Variants in PLA2G5 observed in about 807,000 individuals in gnomAD.
PLA2G5 encodes phospholipase A2 group V, also known as Ca2+-dependent phospholipase A2.
In PLA2G5, 12 loss-of-function variants were observed where a neutral mutation model predicts 15.9. The observed-to-expected ratio is 0.76, with a 90% CI of 0.48 to 1.23. PLA2G5 has a LOEUF of 1.23. Among genes scored for constraint, PLA2G5 ranks in the 50% most tolerant of loss-of-function variants. The probability of loss-of-function intolerance (pLI) is 0.00; values close to 1 mark genes in which losing one functional copy is unlikely to be tolerated. For missense variants in PLA2G5, 169 were observed against 177.1 expected, an observed-to-expected ratio of 0.95 and a Z score of 0.26; for synonymous variants, 71 against 71.4, an observed-to-expected ratio of 0.99 and a Z score of 0.03.
chr1:20,090,460 C>T, intron 4 of PLA2G5, 108 bp from the exon 5 acceptor site: 1 of 1,104,188 alleles, frequency 9.1e-7, no homozygotes, highest in South Asian at 1.3e-5. Context: ...GGAGCCATGC[C>T]TCTTCCATCA....
At chr1:20,042,119 A>G (rs2013632486) in intron 1 of PLA2G5, among the ~76,000 whole-genome samples, 2 of 152,204 alleles carry the variant, frequency 1.3e-5, no homozygotes, top group Admixed American at 1.3e-4. Flanking sequence ...ATTGACGTGT[A>G]GTCCTTTTGC....
At chr1:20,079,279 C>T (rs2015874759) in intron 1 of PLA2G5, among the ~76,000 whole-genome samples, 1 of 152,142 alleles carries the variant, frequency 6.6e-6, no homozygotes, top group Non-Finnish European at 1.5e-5. Flanking sequence ...ATTAGCATTA[C>T]TCTGCCTTTG....
At chr1:20,029,558 A>G (rs1430609411) in intron 1 of PLA2G5, among the ~76,000 whole-genome samples, 1 of 152,092 alleles carries the variant, frequency 6.6e-6, no homozygotes, top group African/African-American at 2.4e-5. Context: ...GTCTTGGGAA[A>G]TGCAACATTT....
intron 1 of PLA2G5, among the ~76,000 whole-genome samples, chr1:20,051,011 G>A (rs555828243): frequency 2.8e-4 from 43 of 152,164 alleles, no homozygotes; most frequent in Non-Finnish European, 1.6e-4. Flanking sequence ...TATGTGTTCC[G>A]AAATCATGGG....
chr1:20,062,669 G>A (rs1360645547), intron 2 of PLA2G5, among the ~76,000 whole-genome samples: 3 of 152,096 alleles, frequency 2.0e-5, no homozygotes, highest in Non-Finnish European at 4.4e-5. Context: ...AAATTCAGAG[G>A]GGACAGGGGA....
chr1:20,054,963 T>C (rs902048768), intron 1 of PLA2G5: 1 of 152,182 alleles, frequency 6.6e-6, no homozygotes, highest in Non-Finnish European at 1.5e-5. Flanking sequence ...CAACAGAATG[T>C]TTTATTAGAC....
At chr1:20,053,721 C>T (rs1186187549) in intron 1 of PLA2G5, among the ~76,000 whole-genome samples, 1 of 152,140 alleles carries the variant, frequency 6.6e-6, no homozygotes, top group East Asian at 1.9e-4. Context: ...TCTCCTCCTG[C>T]AGATTTAGTT....
chr1:20,068,858 G>T, upstream of PLA2G5: 2 of 913,158 alleles, frequency 2.2e-6, no homozygotes, highest in Non-Finnish European at 3.0e-6. Context: ...TTTCCAATGT[G>T]TTGCCTCCTG....
At chr1:20,052,443 C>T (rs2014222036) in intron 1 of PLA2G5, among the ~76,000 whole-genome samples, 1 of 152,172 alleles carries the variant, frequency 6.6e-6, no homozygotes, top group Non-Finnish European at 1.5e-5. Flanking sequence ...TATTTACATA[C>T]ATAAGCCACT....
At chr1:20,030,525 A>G (rs1202160279) in intron 1 of PLA2G5, among the ~76,000 whole-genome samples, 1 of 151,682 alleles carries the variant, frequency 6.6e-6, no homozygotes, top group Non-Finnish European at 1.5e-5. Context: ...AGCAGGAGAC[A>G]GATGCCTTCC....
intron 1 of PLA2G5, among the ~76,000 whole-genome samples, chr1:20,079,050 G>C (rs1210918228): frequency 6.6e-6 from 1 of 151,100 alleles, no homozygotes; most frequent in African/African-American, 2.4e-5. Context: ...GGAGGTGGAG[G>C]CTGCAGTGAG....
chr1:20,065,036 A>G, intron 2 of PLA2G5, among the ~76,000 whole-genome samples: 1 of 152,156 alleles, frequency 6.6e-6, no homozygotes, highest in South Asian at 2.1e-4. Flanking sequence ...AAAATAAAGT[A>G]TTTACCATGC....
intron 1 of PLA2G5, among the ~76,000 whole-genome samples, chr1:20,044,670 G>A (rs1479544708): frequency 6.6e-6 from 1 of 152,102 alleles, no homozygotes; most frequent in Non-Finnish European, 1.5e-5. Context: ...TGGGCAGGTG[G>A]GGGAGGGCTA....
intron 2 of PLA2G5, among the ~76,000 whole-genome samples, chr1:20,060,490 T>C (rs920307574): frequency 6.6e-6 from 1 of 151,968 alleles, no homozygotes; most frequent in African/African-American, 2.4e-5. Context: ...TGACCTCAGG[T>C]GATCTGCCTA....
At chr1:20,077,035 T>C (rs944757843) in intron 1 of PLA2G5, 1 of 152,258 alleles carries the variant, frequency 6.6e-6, no homozygotes, top group Non-Finnish European at 1.5e-5. Flanking sequence ...CGAGCCTGCA[T>C]GTGATAGACC....
rs956794190 is a variant in PLA2G5 at position 20,033,565 on chromosome 1, C to T, written n.276+4856C>T. 2.0e-5 allele frequency among the ~76,000 whole-genome samples: 3 copies of T among 152,280 alleles called. No homozygotes were observed. In the East Asian group the frequency reaches 5.8e-4, roughly 29 times the overall value. ...TGAGTTTCTGTGCCTCTGGGGCCAG[C>T]AATGTGGCCACACCCAATATTTTTA... On this transcript the variant is annotated intron_variant and non_coding_transcript_variant, in intron 1 of 6. Transcript: ENST00000460175.
chr1:20,055,429 G>T (rs1171502486), intron 1 of PLA2G5, among the ~76,000 whole-genome samples: 1 of 152,162 alleles, frequency 6.6e-6, no homozygotes, highest in Non-Finnish European at 1.5e-5. Flanking sequence ...TTCTGGAGTG[G>T]TTTCAATTGT....
At chr1:20,051,743 T>C (rs1351478911) in intron 1 of PLA2G5, among the ~76,000 whole-genome samples, 4 of 152,208 alleles carry the variant, frequency 2.6e-5, no homozygotes, top group Non-Finnish European at 4.4e-5. Flanking sequence ...ACTTGAGTTA[T>C]GGAGCCAATA....
At chr1:20,031,758 G>A (rs915711983) in intron 1 of PLA2G5, among the ~76,000 whole-genome samples, 2 of 152,104 alleles carry the variant, frequency 1.3e-5, no homozygotes, top group African/African-American at 2.4e-5. Context: ...TAGCTTTCCC[G>A]ATGTGGGAGT....
Sources: gnomAD v4.1 joint callset for allele counts (sites outside exome capture counted in the v4.1 genomes callset) on GRCh38, gnomAD v4.1.1 for gene constraint, MANE v1.5 for transcripts, NCBI Gene and HGNC (gene_info 2026-07-23, HGNC 2026-07-21) for gene names.